Variants in PIP4K2A observed in about 807,000 individuals in gnomAD.
The protein encoded by PIP4K2A is phosphatidylinositol-5-phosphate 4-kinase type 2 alpha.
PIP4K2A carries 14 observed loss-of-function variants against 42.9 expected under a neutral mutation model. The observed-to-expected ratio is 0.33, with a 90% confidence interval of 0.22 to 0.51. The LOEUF is 0.51. PIP4K2A is among the 20% of genes least tolerant of loss of function. The pLI, the probability that PIP4K2A is intolerant of heterozygous loss-of-function variation, is 0.97. For missense variants in PIP4K2A, 434 were observed against 519.8 expected, an observed-to-expected ratio of 0.83 and a Z score of 1.61; for synonymous variants, 192 against 192.2, an observed-to-expected ratio of 1.00 and a Z score of 0.01.
chr10:22,555,245 C>T (rs539400160), intron 6 of PIP4K2A, among the ~76,000 whole-genome samples: 12 of 152,172 alleles, frequency 7.9e-5, no homozygotes, highest in South Asian at 2.1e-4. Flanking sequence ...GTTGTAGCTC[C>T]GCAACTCCAA....
At chr10:22,700,258 C>T (rs1000685658) in intron 1 of PIP4K2A, among the ~76,000 whole-genome samples, 2 of 152,220 alleles carry the variant, frequency 1.3e-5, no homozygotes, top group African/African-American at 4.8e-5. Context: ...ATACATCCTA[C>T]ACCACATTCC....
At chr10:22,686,181 C>T (rs1310188415) in intron 1 of PIP4K2A, among the ~76,000 whole-genome samples, 1 of 152,174 alleles carries the variant, frequency 6.6e-6, no homozygotes, top group African/African-American at 2.4e-5. Context: ...ATTTCAGGAA[C>T]AGGAAACTCA....
chr10:22,713,562 C>T (rs1283675882), intron 1 of PIP4K2A, among the ~76,000 whole-genome samples: 4 of 152,352 alleles, frequency 2.6e-5, no homozygotes, highest in South Asian at 2.1e-4. Context: ...ATATTTACAT[C>T]GGCTGCTGCT....
In PIP4K2A at chr10:22,651,716, G is replaced by A. The variant is rs187406671; in HGVS notation, c.145-41999C>T. Among the ~76,000 whole-genome samples the A allele has an allele frequency of 8.5e-5, 13 of 152,310 alleles. No homozygotes were observed. The East Asian group carries it at 1.7e-3, about 20-fold the overall frequency. Reference sequence around the variant, plus strand: ...CATCTGTCTCCCGGACAGTGGAACCGGTGAGAGCAAGGCCACGACTACTGA... The same window carrying A: ...CATCTGTCTCCCGGACAGTGGAACCAGTGAGAGCAAGGCCACGACTACTGA... On this transcript the variant is annotated intron_variant, in intron 1 of 9. Coordinates refer to ENST00000376573, the MANE Select transcript of PIP4K2A (RefSeq NM_005028.5).
At chr10:22,609,922 C>T (rs1023261960) in intron 1 of PIP4K2A, among the ~76,000 whole-genome samples, 6 of 152,224 alleles carry the variant, frequency 3.9e-5, no homozygotes, top group African/African-American at 1.4e-4. Context: ...ATGCTGGGTC[C>T]ATGGTGGCCA....
Position 22,714,339 on chromosome 10 carries a change from T to C in PIP4K2A, c.-13A>G, listed in dbSNP as rs1206525112. 2.7e-5 allele frequency: 43 copies of C among 1,583,942 alleles called. No homozygotes were observed. The highest frequency in any genetic ancestry group is 3.5e-5 in the Non-Finnish European group (41 of 1,164,786). On this transcript the variant is annotated 5_prime_UTR_variant, in exon 1 of 10. Coordinates refer to ENST00000376573, the MANE Select transcript of PIP4K2A (RefSeq NM_005028.5). ...CGGGGGTCGCCATGGCCGCCTCCTA[T>C]GTCCCCTCCACCGCCGTGCTCCCGA...
intron 1 of PIP4K2A, chr10:22,694,019 GC>G (rs1239814862): frequency 2.0e-5 from 3 of 152,174 alleles, no homozygotes; most frequent in Non-Finnish European, 4.4e-5. Flanking sequence ...TGGATGCAGA[GC>G]CCATGGATAC....
At chr10:22,577,891 A>G (rs558449219) in intron 4 of PIP4K2A, among the ~76,000 whole-genome samples, 2 of 152,330 alleles carry the variant, frequency 1.3e-5, no homozygotes, top group South Asian at 4.1e-4. Context: ...CACCGCCTGG[A>G]TCCTGGCTTG....
intron 1 of PIP4K2A, among the ~76,000 whole-genome samples, chr10:22,688,348 G>C (rs995700186): frequency 6.6e-6 from 1 of 152,184 alleles, no homozygotes; most frequent in East Asian, 1.9e-4. Context: ...ACATTCTCAG[G>C]TGTCTGGCAC....
chr10:22,586,267 C>T (rs1183047297), intron 4 of PIP4K2A, among the ~76,000 whole-genome samples: 2 of 152,108 alleles, frequency 1.3e-5, no homozygotes, highest in East Asian at 3.9e-4. Flanking sequence ...TTTCTTTGCA[C>T]AGAGTGAAAG....
chr10:22,603,165 A>T (rs1397749991), intron 3 of PIP4K2A, among the ~76,000 whole-genome samples: 1 of 152,236 alleles, frequency 6.6e-6, no homozygotes, highest in Non-Finnish European at 1.5e-5. Flanking sequence ...TCTGTTACAA[A>T]CACAAAGAAG....
chr10:22,632,984 GCTAA>G (rs1235316979), intron 1 of PIP4K2A, among the ~76,000 whole-genome samples: 1 of 152,044 alleles, frequency 6.6e-6, no homozygotes, highest in Non-Finnish European at 1.5e-5. Context: ...CATCACTAAG[GCTAA>G]CTTTTATTTA....
At chr10:22,594,395 T>C (rs1051634695) in intron 3 of PIP4K2A, among the ~76,000 whole-genome samples, 4 of 151,974 alleles carry the variant, frequency 2.6e-5, no homozygotes, top group African/African-American at 9.7e-5. Flanking sequence ...ATGTACAGGG[T>C]TTTTTATTTT....
intron 1 of PIP4K2A, among the ~76,000 whole-genome samples, chr10:22,617,794 G>C (rs1838209413): frequency 6.6e-6 from 1 of 152,010 alleles, no homozygotes; most frequent in African/African-American, 2.4e-5. Context: ...AGTGGGTTGG[G>C]AATTATCTTG....
intron 3 of PIP4K2A, among the ~76,000 whole-genome samples, chr10:22,601,159 A>AAAAC (rs1837764199): frequency 7.9e-6 from 1 of 126,104 alleles, no homozygotes; most frequent in Non-Finnish European, 1.7e-5. Context: ...AAAAAAAAAA[A>AAAAC]AAAACAAACC....
chr10:22,666,254 A>G (rs993465167), intron 1 of PIP4K2A, among the ~76,000 whole-genome samples: 11 of 152,218 alleles, frequency 7.2e-5, no homozygotes, highest in Admixed American at 6.5e-4. Flanking sequence ...TTCAAAATAA[A>G]TATCTGAGAA....
chr10:22,537,052 C>T lies in PIP4K2A; in HGVS notation c.*149G>A, dbSNP rs1411142787. 1.4e-5 allele frequency: 9 copies of T among 627,824 alleles called. No homozygotes were observed. The highest frequency in any genetic ancestry group is 1.1e-5 in the Non-Finnish European group (4 of 352,174). 38.9% of individuals were successfully genotyped at this position (627,824 alleles called of 1,614,324 possible). ...CAGGTAGCTGTAAAGCGAGTAGCCC[C>T]CAAATCAGTCATCTTGGCCTGAAGA... On this transcript the variant is annotated 3_prime_UTR_variant, in exon 10 of 10. Transcript: ENST00000376573.
chr10:22,546,003 G>A (rs1164910024), intron 7 of PIP4K2A, among the ~76,000 whole-genome samples: 1 of 152,174 alleles, frequency 6.6e-6, no homozygotes, highest in African/African-American at 2.4e-5. Flanking sequence ...TCAAGTCTCT[G>A]AGACTGAGGT....
intron 1 of PIP4K2A, among the ~76,000 whole-genome samples, chr10:22,652,776 T>C (rs1049292323): frequency 6.6e-6 from 1 of 152,196 alleles, no homozygotes; most frequent in African/African-American, 2.4e-5. Flanking sequence ...CGCTGCTCCT[T>C]GTTCTGGTTC....
Sources: gnomAD v4.1 joint callset for allele counts (sites outside exome capture counted in the v4.1 genomes callset) on GRCh38, gnomAD v4.1.1 for gene constraint, MANE v1.5 for transcripts, NCBI Gene and HGNC (gene_info 2026-07-23, HGNC 2026-07-21) for gene names.